RIC8B: variants seen among roughly 807,000 people sequenced by gnomAD.
RIC8B encodes RIC8 guanine nucleotide exchange factor B, also known as chaperone Ric-8B.
A neutral mutation model predicts 57.5 loss-of-function variants in RIC8B; 16 were observed. The ratio of observed to expected loss-of-function variants is 0.28; its 90% CI spans 0.19 to 0.42. The LOEUF is 0.42. Among genes scored for constraint, RIC8B ranks in the 10% least tolerant of loss-of-function variants. The pLI, the probability that RIC8B is intolerant of heterozygous loss-of-function variation, is 1.00. For synonymous variants in RIC8B, 216 were observed against 250.8 expected, an observed-to-expected ratio of 0.86 and a Z score of 1.31; for missense variants, 481 against 677.0, an observed-to-expected ratio of 0.71 and a Z score of 3.21.
intron 9 of RIC8B, among the ~76,000 whole-genome samples, chr12:106,871,749 T>A (rs1431380210): frequency 6.6e-6 from 1 of 152,210 alleles, no homozygotes; most frequent in Non-Finnish European, 1.5e-5. Context: ...AAGATGCATT[T>A]CTTCTGGCCA....
chr12:106,863,741 AG>A (rs2136537373), intron 8 of RIC8B, among the ~76,000 whole-genome samples: 2 of 152,210 alleles, frequency 1.3e-5, no homozygotes, highest in African/African-American at 4.8e-5. Context: ...GAGGTAAAAG[AG>A]GCCAGTATAT....
In RIC8B at chr12:106,885,984, T is replaced by A. The variant is rs375383532; in HGVS notation, c.1652T>A (p.Val551Asp). The A allele has an allele frequency of 2.9e-5, 47 of 1,613,702 alleles. No individual in the cohort carries two copies. The highest frequency in any genetic ancestry group is 3.9e-5 in the Non-Finnish European group (46 of 1,179,730). ...PLEEALNQYS[V>D]IEETSSDTD ...GAGGAAGCACTCAACCAGTACTCTG[T>A]CATCGAAGAGACCAGCTCTGACACA... is the stretch of plus-strand genomic sequence containing the variant. The change falls in exon 10 of 10, where the codon GTC becomes GAC. Residue 551 changes from valine to aspartate, a missense_variant. Around this residue, in one of 3 missense-constraint regions of RIC8B, gnomAD observed 17 missense variants for 16.3 expected, o/e 1.05. Transcript: ENST00000392837.
chr12:106,790,511 C>G (rs981538543), intron 2 of RIC8B, among the ~76,000 whole-genome samples: 2 of 152,156 alleles, frequency 1.3e-5, no homozygotes, highest in African/African-American at 4.8e-5. Context: ...GCTTTATATT[C>G]TGTACCTAAA....
At chr12:106,797,870 C>T in intron 2 of RIC8B, 1 of 440,542 alleles carries the variant, frequency 2.3e-6, no homozygotes, top group Non-Finnish European at 4.0e-6. Context: ...CGAGCTTAGG[C>T]AGCCTGGCTC....
intron 3 of RIC8B, 62 bp from the exon 4 acceptor site, chr12:106,825,664 A>T: frequency 8.3e-7 from 1 of 1,198,130 alleles, no homozygotes; most frequent in Non-Finnish European, 1.2e-6. Context: ...GTAGTAAAGT[A>T]GCAGACCCCA....
At chr12:106,800,114 C>T (rs754523172) in intron 2 of RIC8B, among the ~76,000 whole-genome samples, 9 of 151,954 alleles carry the variant, frequency 5.9e-5, no homozygotes, top group Non-Finnish European at 1.0e-4. Flanking sequence ...CCCAAGAGAC[C>T]GGGGCCTCAC....
chr12:106,835,670 G>A (rs182949109), intron 4 of RIC8B, among the ~76,000 whole-genome samples: 2 of 152,178 alleles, frequency 1.3e-5, no homozygotes, highest in Admixed American at 1.3e-4. Flanking sequence ...TTTATACCTG[G>A]CACCTAGCAC....
chr12:106,812,091 C>T (rs895596570), intron 2 of RIC8B, among the ~76,000 whole-genome samples: 6 of 151,904 alleles, frequency 3.9e-5, no homozygotes, highest in East Asian at 1.9e-4. Context: ...TAAAAAGAGT[C>T]GTTGTCCAAA....
intron 9 of RIC8B, among the ~76,000 whole-genome samples, chr12:106,881,785 GA>G (rs1461090949): frequency 6.6e-6 from 1 of 152,138 alleles, no homozygotes; most frequent in Non-Finnish European, 1.5e-5. Flanking sequence ...GCCACTAGTT[GA>G]AGGATAGAGG....
In RIC8B at chr12:106,843,801, T is replaced by A. The variant is rs563166658; in HGVS notation, c.1066-51T>A. On this transcript the variant is annotated intron_variant, in intron 5 of 9. Transcript: ENST00000392837. ...AGTTACATGAAGGAAAGTAATACTG[T>A]TAGAAACAAAACTAACGTATTTCAA... 11 of 1,357,882 alleles carry A rather than the reference T, an allele frequency of 8.1e-6. No individual in the cohort carries two copies. In the South Asian group the frequency reaches 1.4e-4, roughly 17 times the overall value. The allele number at this position is 1,357,882 out of a possible 1,614,324, so 84.1% of individuals were successfully genotyped here.
chr12:106,830,966 A>C (rs181560256), intron 4 of RIC8B, among the ~76,000 whole-genome samples: 1 of 152,338 alleles, frequency 6.6e-6, no homozygotes, highest in Admixed American at 6.5e-5. Context: ...ATGGTCTGTC[A>C]TGATGAAGAA....
chr12:106,792,997 C>T (rs550970549), intron 2 of RIC8B, among the ~76,000 whole-genome samples: 1 of 152,288 alleles, frequency 6.6e-6, no homozygotes, highest in East Asian at 1.9e-4. Flanking sequence ...ATTTCTCATC[C>T]TGCCCCCAGC....
At position 106,886,630 on chromosome 12, in the gene RIC8B, T is replaced by C. The variant is rs1400523056; in HGVS notation, c.*615T>C. 2.0e-5 allele frequency: 3 copies of C among 152,638 alleles called. No individual in the cohort carries two copies. Among genetic ancestry groups the C allele is most frequent in the African/African-American group, 4.8e-5 (2 of 41,434 alleles). 9.5% of individuals were successfully genotyped at this position (152,638 alleles called of 1,614,324 possible). A position where few individuals can be genotyped will look rare whatever the true frequency, so the allele number is the denominator to read the frequency against. On this transcript the variant is annotated 3_prime_UTR_variant, in exon 10 of 10. Transcript: ENST00000392837. ...CAGTTAGCTAAAACTTCAGAATACA[T>C]TTCTCCCTATAAAGAGTTATAAATG...
chr12:106,877,613 G>A (rs1393773499), intron 9 of RIC8B, among the ~76,000 whole-genome samples: 2 of 152,074 alleles, frequency 1.3e-5, no homozygotes, highest in Admixed American at 1.3e-4. Context: ...TTAATACAAG[G>A]TTTTTAAATT....
intron 6 of RIC8B, among the ~76,000 whole-genome samples, chr12:106,848,653 G>T (rs1156234674): frequency 6.6e-6 from 1 of 152,110 alleles, no homozygotes; most frequent in Non-Finnish European, 1.5e-5. Context: ...AAAGAGAGGA[G>T]TCAAGGATAT....
chr12:106,887,551 A>G lies in RIC8B; in HGVS notation c.*1536A>G, dbSNP rs904787873. 4.6e-5 allele frequency: 7 copies of G among 152,198 alleles called. No individual in the cohort carries two copies. The highest frequency in any genetic ancestry group is 1.7e-4 in the African/African-American group (7 of 41,446). The allele number at this position is 152,198 out of a possible 1,614,324, so 9.4% of individuals were successfully genotyped here. On this transcript the variant is annotated 3_prime_UTR_variant, in exon 10 of 10. Transcript: ENST00000392837. ...AAGTTTCTTGCAACTTACTTATGGGAGAGATCTTCAAGAATATCACTCTTA... is the reference window on the plus strand; with the variant it reads ...AAGTTTCTTGCAACTTACTTATGGGGGAGATCTTCAAGAATATCACTCTTA...
At chr12:106,882,763 G>A (rs1417684886) in intron 9 of RIC8B, among the ~76,000 whole-genome samples, 1 of 152,096 alleles carries the variant, frequency 6.6e-6, no homozygotes, top group African/African-American at 2.4e-5. Context: ...GTATCAATGA[G>A]CCCAGGCATT....
chr12:106,805,013 G>C (rs1303237390), intron 2 of RIC8B, among the ~76,000 whole-genome samples: 1 of 152,196 alleles, frequency 6.6e-6, no homozygotes, highest in African/African-American at 2.4e-5. Context: ...AGATTATTGT[G>C]CCTAGATCAA....
intron 2 of RIC8B, among the ~76,000 whole-genome samples, chr12:106,808,028 T>A (rs1251402139): frequency 6.8e-6 from 1 of 146,960 alleles, no homozygotes; most frequent in Non-Finnish European, 1.5e-5. Context: ...GAGGTTGCAG[T>A]GAGCTGAGAT....
Sources: allele counts gnomAD v4.1 joint callset (sites outside exome capture counted in the v4.1 genomes callset), GRCh38; gene constraint gnomAD v4.1.1; regional missense constraint gnomAD v4.1.1; transcripts MANE v1.5; gene names NCBI Gene and HGNC (gene_info 2026-07-23, HGNC 2026-07-21).